DNER: variants seen among roughly 807,000 people sequenced by gnomAD.
The protein encoded by DNER is delta/notch like EGF repeat containing, also known as delta and Notch-like epidermal growth factor-related receptor.
Under a neutral mutation model 78.2 loss-of-function variants are expected in DNER, and 33 were observed. That is an observed-to-expected ratio of 0.42 (90% confidence interval 0.32 to 0.56). The LOEUF (loss-of-function observed/expected upper bound fraction) is 0.56. Ranked by LOEUF, DNER falls within the 20% of genes least tolerant of loss-of-function variation. DNER has a pLI of 0.11. For missense variants in DNER, 918 were observed against 975.3 expected (o/e 0.94, Z 0.78); for synonymous variants, 417 against 384.8 (o/e 1.08, Z -0.98).
intron 12 of DNER, among the ~76,000 whole-genome samples, chr2:229,359,940 C>T (rs1426260994): frequency 6.6e-6 from 1 of 152,200 alleles, no homozygotes; most frequent in African/African-American, 2.4e-5. Context: ...AAACCCACAG[C>T]TATTACTGCA....
At chr2:229,646,515 C>T (rs1474934725) in intron 1 of DNER, among the ~76,000 whole-genome samples, 3 of 152,220 alleles carry the variant, frequency 2.0e-5, no homozygotes, top group Admixed American at 6.5e-5. Flanking sequence ...GTTGACAGAA[C>T]TTATGGAGGA....
chr2:229,422,814 C>T (rs1309442046), intron 8 of DNER, among the ~76,000 whole-genome samples: 1 of 152,056 alleles, frequency 6.6e-6, no homozygotes, highest in East Asian at 1.9e-4. Context: ...GGGTCAAGGT[C>T]AGACCACATG....
chr2:229,456,801 T>C (rs1694584757), intron 7 of DNER, among the ~76,000 whole-genome samples: 1 of 152,014 alleles, frequency 6.6e-6, no homozygotes, highest in African/African-American at 2.4e-5. Flanking sequence ...GTGAAAAACA[T>C]CTACCCATAC....
chr2:229,426,081 A>C (rs1246696773), intron 8 of DNER, among the ~76,000 whole-genome samples: 2 of 152,194 alleles, frequency 1.3e-5, no homozygotes, highest in East Asian at 3.9e-4. Context: ...GTGAAAACCC[A>C]TGACTTTCTG....
Position 229,523,324 on chromosome 2 carries a change from T to C in DNER, c.994-10388A>G, listed in dbSNP as rs188176921. The stretch of plus-strand genomic sequence containing the variant: ...GCTGCCGTAACGAAGTATCACAGAG[T>C]AGGTGGCTTAAACAACACAAGTTTC... On this transcript the variant is annotated intron_variant, in intron 5 of 12. Transcript: ENST00000341772. Among the ~76,000 whole-genome samples the C allele has an allele frequency of 5.3e-5, 8 of 152,286 alleles. No individual in the cohort carries two copies. The East Asian group carries it at 1.5e-3, about 29-fold the overall frequency.
chr2:229,418,273 T>C, intron 8 of DNER, 43 bp from the exon 9 acceptor site: 1 of 1,612,268 alleles, frequency 6.2e-7, no homozygotes, highest in East Asian at 2.2e-5. Context: ...TGCATCCCAT[T>C]TACAACCCAC....
intron 1 of DNER, among the ~76,000 whole-genome samples, chr2:229,607,650 T>C (rs948369273): frequency 2.0e-5 from 3 of 152,166 alleles, no homozygotes; most frequent in African/African-American, 7.2e-5. Flanking sequence ...ATAACTACAT[T>C]GAACAATGTT....
chr2:229,447,698 C>T (rs750860666), intron 7 of DNER, among the ~76,000 whole-genome samples, 158 bp from the exon 8 acceptor site: 1 of 152,146 alleles, frequency 6.6e-6, no homozygotes, highest in Non-Finnish European at 1.5e-5. Flanking sequence ...GTTTTTCCCA[C>T]CTTTAGTAAT....
intron 1 of DNER, among the ~76,000 whole-genome samples, chr2:229,671,594 C>G (rs1453323542): frequency 6.6e-6 from 1 of 152,182 alleles, no homozygotes; most frequent in Non-Finnish European, 1.5e-5. Flanking sequence ...CTGTCCTATG[C>G]CCACCACAAA....
At chr2:229,525,951 G>A (rs1305020825) in intron 5 of DNER, among the ~76,000 whole-genome samples, 1 of 151,980 alleles carries the variant, frequency 6.6e-6, no homozygotes, top group African/African-American at 2.4e-5. Flanking sequence ...AAGGTGGGAA[G>A]GTCCTATCAT....
rs112219714 is a variant in DNER at position 229,365,585 on chromosome 2, C to T, written c.2102+1288G>A. 6.0e-3 allele frequency among the ~76,000 whole-genome samples: 917 copies of T among 152,226 alleles called. 6 individuals carry two copies. The highest frequency in any genetic ancestry group is 0.021 in the African/African-American group (854 of 41,526). On this transcript the variant is annotated intron_variant, in intron 12 of 12. Coordinates refer to ENST00000341772, the MANE Select transcript of DNER (RefSeq NM_139072.4). ...CAGAGTAGCTAGGATTACAGGCACC[C>T]GCCACCATGCCTGGCTAATTTTTGT...
intron 1 of DNER, among the ~76,000 whole-genome samples, chr2:229,625,449 A>C (rs553287653): frequency 6.6e-6 from 1 of 152,286 alleles, no homozygotes; most frequent in South Asian, 2.1e-4. Context: ...TCAGGTGAAC[A>C]AAGCTGTCAT....
At chr2:229,668,580 A>ATATATATACATATAT (rs1699150846) in intron 1 of DNER, among the ~76,000 whole-genome samples, 1 of 136,624 alleles carries the variant, frequency 7.3e-6, no homozygotes, top group African/African-American at 2.8e-5. Flanking sequence ...ATATATATAT[A>ATATATATACATATAT]AAAGAAGACA....
intron 11 of DNER, among the ~76,000 whole-genome samples, chr2:229,371,673 C>A (rs1208172194): frequency 6.6e-6 from 1 of 152,164 alleles, no homozygotes. Context: ...TAAAATCAGA[C>A]CCACCTCCAC....
chr2:229,609,822 G>A (rs1314485236), intron 1 of DNER, among the ~76,000 whole-genome samples: 18 of 152,166 alleles, frequency 1.2e-4, no homozygotes, highest in Admixed American at 6.5e-5. Flanking sequence ...CAATAAAAAT[G>A]GCTAAATAAT....
At chr2:229,362,248 A>G (rs1013872580) in intron 12 of DNER, among the ~76,000 whole-genome samples, 1 of 152,200 alleles carries the variant, frequency 6.6e-6, no homozygotes, top group Non-Finnish European at 1.5e-5. Context: ...AACCTCGTGA[A>G]GTGAGTACAT....
At chr2:229,613,489 A>G (rs1698087813) in intron 1 of DNER, among the ~76,000 whole-genome samples, 1 of 152,226 alleles carries the variant, frequency 6.6e-6, no homozygotes, top group Non-Finnish European at 1.5e-5. Context: ...TCCAAAACTA[A>G]AAGTAACCCT....
intron 4 of DNER, among the ~76,000 whole-genome samples, chr2:229,583,584 G>A (rs138851554): frequency 1.3e-5 from 2 of 152,116 alleles, no homozygotes. Context: ...GTATCTTCTG[G>A]TAACGTTAAG....
At chr2:229,417,764 G>A (rs1442988829) in intron 9 of DNER, among the ~76,000 whole-genome samples, 4 of 152,104 alleles carry the variant, frequency 2.6e-5, no homozygotes, top group Middle Eastern at 3.2e-3. Context: ...TTTATAGGAC[G>A]GCATCCTTCC....
Sources: gnomAD v4.1 joint callset for allele counts (sites outside exome capture counted in the v4.1 genomes callset) on GRCh38, gnomAD v4.1.1 for gene constraint, MANE v1.5 for transcripts, NCBI Gene and HGNC (gene_info 2026-07-23, HGNC 2026-07-21) for gene names.